MAP2K6: variants seen among roughly 807,000 people sequenced by gnomAD.
MAP2K6 encodes mitogen-activated protein kinase kinase 6.
Under a neutral mutation model 53.7 loss-of-function variants are expected in MAP2K6, and 16 were observed. That is an observed-to-expected ratio of 0.30 (90% confidence interval 0.20 to 0.45). MAP2K6 has a LOEUF of 0.45. Ranked by LOEUF, MAP2K6 falls within the 20% of genes least tolerant of loss-of-function variation. The pLI is 1.00. For missense variants in MAP2K6, 204 were observed against 411.9 expected, an observed-to-expected ratio of 0.50 and a Z score of 4.37; for synonymous variants, 132 against 143.1, an observed-to-expected ratio of 0.92 and a Z score of 0.55.
At chr17:69,449,763 G>A (rs1907146046) in intron 1 of MAP2K6, among the ~76,000 whole-genome samples, 2 of 147,422 alleles carry the variant, frequency 1.4e-5, no homozygotes, top group Non-Finnish European at 3.0e-5. Flanking sequence ...ACAGGCGCCC[G>A]CCACCTCGCC....
At chr17:69,528,498 A>ATGGT (rs1428613863) in intron 10 of MAP2K6, among the ~76,000 whole-genome samples, 1 of 151,736 alleles carries the variant, frequency 6.6e-6, no homozygotes, top group South Asian at 2.1e-4. Context: ...TTTTTTGTGG[A>ATGGT]TGGTTGGTTG....
At chr17:69,480,535 C>T (rs761993642) in intron 1 of MAP2K6, among the ~76,000 whole-genome samples, 1 of 152,192 alleles carries the variant, frequency 6.6e-6, no homozygotes, top group Non-Finnish European at 1.5e-5. Flanking sequence ...AGGAAGCTGT[C>T]TTGGCATCTG....
At chr17:69,428,535 G>T (rs1906344108) in intron 1 of MAP2K6, among the ~76,000 whole-genome samples, 1 of 152,312 alleles carries the variant, frequency 6.6e-6, no homozygotes, top group East Asian at 1.9e-4. Context: ...AGATGCTGAG[G>T]GTTAGCTGAG....
chr17:69,465,199 C>G (rs549035997), intron 1 of MAP2K6, among the ~76,000 whole-genome samples: 1 of 150,756 alleles, frequency 6.6e-6, no homozygotes, highest in African/African-American at 2.4e-5. Context: ...CATATCCAGG[C>G]AAGAATTCCA....
chr17:69,493,097 T>C (rs1449994681), intron 1 of MAP2K6, among the ~76,000 whole-genome samples: 1 of 152,130 alleles, frequency 6.6e-6, no homozygotes, highest in Non-Finnish European at 1.5e-5. Context: ...AATGAACTTA[T>C]ACAAAAGAAT....
chr17:69,495,535 T>C (rs1406661647), intron 1 of MAP2K6, among the ~76,000 whole-genome samples: 1 of 152,082 alleles, frequency 6.6e-6, no homozygotes, highest in Admixed American at 6.6e-5. Context: ...TGCGCCTGGC[T>C]ATTTTGGTAA....
At chr17:69,474,834 TTC>T (rs1421545472) in intron 1 of MAP2K6, among the ~76,000 whole-genome samples, 4 of 152,234 alleles carry the variant, frequency 2.6e-5, no homozygotes, top group Non-Finnish European at 5.9e-5. Flanking sequence ...CGGTTTGCAC[TTC>T]TGTTTCCTTT....
chr17:69,461,675 G>A (rs1374230219), intron 1 of MAP2K6, among the ~76,000 whole-genome samples: 3 of 152,108 alleles, frequency 2.0e-5, no homozygotes, highest in South Asian at 2.1e-4. Flanking sequence ...AGGGAGCTGC[G>A]ATTTAGCATC....
Position 69,414,812 on chromosome 17 carries a change from G to T in MAP2K6, c.-173G>T. On this transcript the variant is annotated 5_prime_UTR_variant, in exon 1 of 12. Transcript: ENST00000590474. Reference sequence around the variant, plus strand: ...CACTTTCCAGTCTGTTTTGCAAGGTGTGCATTTCCATCTTGATTCCCTGAA... The same window carrying T: ...CACTTTCCAGTCTGTTTTGCAAGGTTTGCATTTCCATCTTGATTCCCTGAA... 1.6e-6 allele frequency: 1 copy of T among 622,482 alleles called. No homozygotes were observed. The allele number at this position is 622,482 out of a possible 1,614,324, so 38.6% of individuals were successfully genotyped here. A position where few individuals can be genotyped will look rare whatever the true frequency, so the allele number is the denominator to read the frequency against.
At chr17:69,529,759 C>G (rs921253326) in intron 10 of MAP2K6, among the ~76,000 whole-genome samples, 3 of 152,114 alleles carry the variant, frequency 2.0e-5, no homozygotes, top group African/African-American at 7.2e-5. Context: ...ATCTGCCCCG[C>G]CTCAGCCTCC....
At chr17:69,415,104 G>T (rs1016990260) in intron 1 of MAP2K6, 104 bp downstream of exon 1, 1 of 1,070,922 alleles carries the variant, frequency 9.3e-7, no homozygotes, top group Non-Finnish European at 1.4e-6. Flanking sequence ...TTAAGTTTGA[G>T]GTTTTCCACA....
At chr17:69,467,451 A>G (rs1029542693) in intron 1 of MAP2K6, among the ~76,000 whole-genome samples, 3 of 152,164 alleles carry the variant, frequency 2.0e-5, no homozygotes, top group African/African-American at 7.2e-5. Flanking sequence ...GGAGGGGGAA[A>G]GTGGGAGGAG....
rs1255785660 is a variant in MAP2K6, at chr17:69,545,838, T to G, written c.*4085T>G. 2.0e-5 allele frequency: 3 copies of G among 152,054 alleles called. No individual in the cohort carries two copies. The highest frequency in any genetic ancestry group is 2.9e-5 in the Non-Finnish European group (2 of 68,058). 9.4% of individuals were successfully genotyped at this position (152,054 alleles called of 1,614,324 possible). On this transcript the variant is annotated 3_prime_UTR_variant, in exon 12 of 12. Transcript: ENST00000590474. ...GAATTTGAGACCAGCCTGACTAACA[T>G]GATGAAACCCCGTCTCTACTAAAAA...
chr17:69,520,105 A>G, intron 5 of MAP2K6, 165 bp from the exon 6 acceptor site: 1 of 567,474 alleles, frequency 1.8e-6, no homozygotes, highest in Non-Finnish European at 3.1e-6. Flanking sequence ...AACCTTGCTT[A>G]TTTGTAAATT....
intron 1 of MAP2K6, among the ~76,000 whole-genome samples, chr17:69,458,340 A>T (rs1317301429): frequency 6.6e-6 from 1 of 152,140 alleles, no homozygotes; most frequent in East Asian, 1.9e-4. Context: ...GGCGTGAGCC[A>T]CTGCACCCTG....
chr17:69,508,174 C>T (rs1340279431), intron 2 of MAP2K6, among the ~76,000 whole-genome samples: 1 of 146,712 alleles, frequency 6.8e-6, no homozygotes, highest in Non-Finnish European at 1.5e-5. Flanking sequence ...GCCTCAGCTT[C>T]CCCAGTAGCT....
chr17:69,417,808 G>A (rs1031326650), intron 1 of MAP2K6, among the ~76,000 whole-genome samples: 1 of 152,130 alleles, frequency 6.6e-6, no homozygotes, highest in African/African-American at 2.4e-5. Flanking sequence ...AAAGAGGGAG[G>A]TAGGGAGATC....
chr17:69,425,263 G>A (rs904231864), intron 1 of MAP2K6, among the ~76,000 whole-genome samples: 25 of 152,162 alleles, frequency 1.6e-4, no homozygotes, highest in African/African-American at 4.6e-4. Flanking sequence ...TGTGGCAGAG[G>A]AGGTAGATGG....
chr17:69,447,440 G>T (rs998428170), intron 1 of MAP2K6, among the ~76,000 whole-genome samples: 5 of 151,984 alleles, frequency 3.3e-5, no homozygotes, highest in Non-Finnish European at 7.4e-5. Flanking sequence ...CTGCCTCCGA[G>T]GTTCAAGTGA....
Sources: allele counts gnomAD v4.1 joint callset (sites outside exome capture counted in the v4.1 genomes callset), GRCh38; gene constraint gnomAD v4.1.1; transcripts MANE v1.5; gene names NCBI Gene and HGNC (gene_info 2026-07-23, HGNC 2026-07-21).